Variants in ANKRD36B observed in about 807,000 individuals in gnomAD.
ANKRD36B encodes ankyrin repeat domain-containing protein 36B.
A neutral mutation model predicts 135.7 loss-of-function variants in ANKRD36B; 37 were observed. That is an observed-to-expected ratio of 0.27 (90% confidence interval 0.21 to 0.36). ANKRD36B has a LOEUF of 0.36. ANKRD36B is among the 10% of genes least tolerant of loss of function. The pLI, the probability that ANKRD36B is intolerant of heterozygous loss-of-function variation, is 1.00. For missense variants in ANKRD36B, 549 were observed against 1,037.1 expected, an observed-to-expected ratio of 0.53 and a Z score of 6.46; for synonymous variants, 179 against 348.1, an observed-to-expected ratio of 0.51 and a Z score of 5.41.
intron 12 of ANKRD36B, among the ~76,000 whole-genome samples, chr2:97,556,544 T>A (rs1285695332): frequency 6.6e-6 from 1 of 151,872 alleles, no homozygotes. Context: ...TGTCTACGGG[T>A]TATTATGACA....
rs1157990005 is a variant in ANKRD36B at position 97,536,501 on chromosome 2, C to T, written c.2090-5G>A. ...TGCGCAGATTCTCAGGATACTCTAA[C>T]AAGCAAGAGAAATATATAATCATAT... is the stretch of plus-strand genomic sequence containing the variant. On this transcript the variant is annotated splice_polypyrimidine_tract_variant and splice_region_variant and intron_variant, in intron 32 of 43. Transcript: ENST00000359901. 4 of 898,510 alleles carry T rather than the reference C, an allele frequency of 4.5e-6. No homozygotes were observed. The Admixed American group carries it at 9.4e-5, about 21-fold the overall frequency. The allele number at this position is 898,510 out of a possible 1,614,324, so 55.7% of individuals were successfully genotyped here.
At chr2:97,532,857 T>C (rs1292040697) in intron 34 of ANKRD36B, among the ~76,000 whole-genome samples, 1 of 96,264 alleles carries the variant, frequency 1.0e-5, no homozygotes, top group Non-Finnish European at 2.8e-5. Flanking sequence ...GCAAACCACT[T>C]GGGGAGGCAC....
At chr2:97,525,551 G>A (rs2078149369) in intron 35 of ANKRD36B, among the ~76,000 whole-genome samples, 1 of 96,208 alleles carries the variant, frequency 1.0e-5, no homozygotes, top group Admixed American at 9.1e-5. Context: ...GACAGTGGGT[G>A]CAGGATAGTG....
chr2:97,550,434 G>C (rs2079936890), intron 18 of ANKRD36B, among the ~76,000 whole-genome samples: 1 of 151,840 alleles, frequency 6.6e-6, no homozygotes, highest in Non-Finnish European at 1.5e-5. Flanking sequence ...GACTTAATTA[G>C]AATGCAACAT....
intron 1 of ANKRD36B, 76 bp downstream of exon 1, chr2:97,589,449 G>A (rs2083265529): frequency 1.7e-5 from 20 of 1,188,258 alleles, no homozygotes; most frequent in Non-Finnish European, 2.2e-5. Context: ...CCGCCCCGCA[G>A]CCCTCAGCCT....
intron 34 of ANKRD36B, among the ~76,000 whole-genome samples, chr2:97,535,262 A>G (rs1439663301): frequency 2.0e-5 from 2 of 101,524 alleles, no homozygotes; most frequent in African/African-American, 5.6e-5. Context: ...TTATAGCACA[A>G]AAACATGACT....
chr2:97,551,768 G>A (rs2080092217), intron 16 of ANKRD36B, among the ~76,000 whole-genome samples: 1 of 151,882 alleles, frequency 6.6e-6, no homozygotes, highest in South Asian at 2.1e-4. Context: ...CGAGTGATGA[G>A]GACAAATGTG....
At chr2:97,566,159 CA>C (rs56089651) in intron 6 of ANKRD36B, among the ~76,000 whole-genome samples, 31 of 148,104 alleles carry the variant, frequency 2.1e-4, no homozygotes, top group East Asian at 6.1e-4. Context: ...AACAAAAATA[CA>C]AAAAAAAAAA....
At chr2:97,546,335 T>C (rs912518376) in intron 22 of ANKRD36B, among the ~76,000 whole-genome samples, 1 of 151,764 alleles carries the variant, frequency 6.6e-6, no homozygotes. Flanking sequence ...ACGACGACAT[T>C]TCAGTTGAAC....
At chr2:97,556,332 G>T (rs1258540713) in intron 12 of ANKRD36B, among the ~76,000 whole-genome samples, 1 of 151,880 alleles carries the variant, frequency 6.6e-6, no homozygotes, top group African/African-American at 2.4e-5. Context: ...GATTCCGGTA[G>T]TCATCGGAGC....
At chr2:97,575,225 T>C (rs1325592111) in intron 6 of ANKRD36B, among the ~76,000 whole-genome samples, 2 of 152,084 alleles carry the variant, frequency 1.3e-5, no homozygotes, top group Non-Finnish European at 2.9e-5. Flanking sequence ...GGAGGGAAAG[T>C]TGACATTCCC....
Position 97,550,950 on chromosome 2 carries a change from T to C in ANKRD36B, c.1375+339A>G, listed in dbSNP as rs1166161872. Among the ~76,000 whole-genome samples, 3 of 151,936 alleles carry C rather than the reference T, an allele frequency of 2.0e-5. 1 individual carries two copies. Among genetic ancestry groups the C allele is most frequent in the Non-Finnish European group, 4.4e-5 (3 of 67,922 alleles). On this transcript the variant is annotated intron_variant, in intron 18 of 43. Coordinates refer to ENST00000359901, the MANE Select transcript of ANKRD36B (RefSeq NM_001393939.1). ...GTTTTTAGCACTACGATGTGACGTC[T>C]GTAAAATCTGTACTTCCTCTCTTTC...
rs539522455 is a variant in ANKRD36B at position 97,534,765 on chromosome 2, T to C, written c.2191+1535A>G. ...TTAGTACAGTCACTATGGAGAACACTATAGAGTCCTCAAAAAATTAAAAAT... is the reference window on the plus strand; with the variant it reads ...TTAGTACAGTCACTATGGAGAACACCATAGAGTCCTCAAAAAATTAAAAAT... On this transcript the variant is annotated intron_variant, in intron 34 of 43. Coordinates refer to ENST00000359901, the MANE Select transcript of ANKRD36B (RefSeq NM_001393939.1). Among the ~76,000 whole-genome samples, 82 of 96,766 alleles carry C rather than the reference T, an allele frequency of 8.5e-4. 23 individuals carry two copies. Among genetic ancestry groups the C allele is most frequent in the African/African-American group, 2.5e-3 (81 of 32,254 alleles). The allele number at this position is 96,766 out of a possible 152,430, so 63.5% of individuals were successfully genotyped here.
chr2:97,535,185 T>TG lies in ANKRD36B; in HGVS notation c.2191+1114dup, dbSNP rs1185926258. The stretch of plus-strand genomic sequence containing the variant: ...CCACAGTCTAGGAAGGGTGTGGGGG[T>TG]GGTAGGAAAAGAGGATGCTTAATAA... On this transcript the variant is annotated intron_variant, in intron 34 of 43. Transcript: ENST00000359901. Among the ~76,000 whole-genome samples, 6 of 97,848 alleles carry TG rather than the reference T, an allele frequency of 6.1e-5. 3 individuals carry two copies. Among genetic ancestry groups the TG allele is most frequent in the Admixed American group, 3.7e-4 (4 of 10,742 alleles). 64.2% of individuals were successfully genotyped at this position (97,848 alleles called of 152,430 possible). A position where few individuals can be genotyped will look rare whatever the true frequency, so the allele number is the denominator to read the frequency against.
At chr2:97,547,892 C>A (rs150983610) in intron 20 of ANKRD36B, among the ~76,000 whole-genome samples, 161 bp from the exon 21 acceptor site, 1 of 151,696 alleles carries the variant, frequency 6.6e-6, no homozygotes, top group Middle Eastern at 3.2e-3. Context: ...GACAGAAATA[C>A]GCTGAGAAAA....
intron 35 of ANKRD36B, chr2:97,524,314 C>T (rs1158906067): frequency 1.1e-5 from 1 of 94,744 alleles, no homozygotes; most frequent in African/African-American, 3.2e-5. Flanking sequence ...GGTTTTTTGT[C>T]ATTTGCCTCA....
intron 20 of ANKRD36B, among the ~76,000 whole-genome samples, chr2:97,547,954 T>C (rs914484373): frequency 2.6e-5 from 4 of 151,780 alleles, no homozygotes; most frequent in African/African-American, 9.7e-5. Context: ...CAGGGTATGA[T>C]TTGTTATATG....
intron 8 of ANKRD36B, among the ~76,000 whole-genome samples, chr2:97,559,972 A>G (rs895169674): frequency 5.9e-5 from 9 of 151,916 alleles, no homozygotes; most frequent in African/African-American, 2.2e-4. Context: ...TCAACAAAAC[A>G]TGTATCTCTG....
chr2:97,557,294 A>T (rs937506803), intron 10 of ANKRD36B, among the ~76,000 whole-genome samples, 162 bp from the exon 11 acceptor site: 1 of 151,870 alleles, frequency 6.6e-6, no homozygotes, highest in African/African-American at 2.4e-5. Flanking sequence ...GAGGAAATAC[A>T]CTGAAGAAAA....
Sources: gnomAD v4.1 joint callset for allele counts (sites outside exome capture counted in the v4.1 genomes callset) on GRCh38, gnomAD v4.1.1 for gene constraint, MANE v1.5 for transcripts, NCBI Gene and HGNC (gene_info 2026-07-23, HGNC 2026-07-21) for gene names.